The following TSPAN10 variants were observed in gnomAD, a reference collection of about 807,000 sequenced individuals.
TSPAN10 encodes tetraspanin-10.
Under a neutral mutation model 15.0 loss-of-function variants are expected in TSPAN10, and 11 were observed. The observed-to-expected ratio is 0.73, with a 90% CI of 0.46 to 1.21. TSPAN10 has a LOEUF of 1.21. TSPAN10 is among the 50% of genes most tolerant of loss of function. The pLI, the probability that TSPAN10 is intolerant of heterozygous loss-of-function variation, is 0.00. For missense variants in TSPAN10, 486 were observed against 470.6 expected, an observed-to-expected ratio of 1.03 and a Z score of -0.30; for synonymous variants, 241 against 226.2, an observed-to-expected ratio of 1.07 and a Z score of -0.59.
exon 2 of TSPAN10, chr17:81,645,396 C>T (rs866500881): frequency 6.2e-7 from 1 of 1,602,616 alleles, no homozygotes; most frequent in Non-Finnish European, 8.5e-7. Context: ...GTGAGAACAC[C>T]TGCCTGTTAC....
upstream of TSPAN10, among the ~76,000 whole-genome samples, chr17:81,640,344 T>G (rs1197300866): frequency 6.7e-6 from 1 of 149,370 alleles, no homozygotes; most frequent in Non-Finnish European, 1.5e-5. Flanking sequence ...CCCCGAGACC[T>G]CACATGTTTT....
chr17:81,641,573 A>G (rs1009135486), upstream of TSPAN10, among the ~76,000 whole-genome samples: 50 of 151,418 alleles, frequency 3.3e-4, no homozygotes, highest in African/African-American at 1.2e-3. Flanking sequence ...CCATCAGTAC[A>G]TTGCCTGCTG....
downstream of TSPAN10, chr17:81,648,523 G>T (rs2036292524): frequency 1.2e-5 from 4 of 342,902 alleles, no homozygotes; most frequent in African/African-American, 2.2e-5. Context: ...AGGAGCACGC[G>T]GGGCCGGAGG....
chr17:81,638,146 T>C (rs931525450), upstream of TSPAN10: 16 of 152,124 alleles, frequency 1.1e-4, no homozygotes, highest in African/African-American at 3.9e-4. Context: ...CAACATATTG[T>C]CCCTGCCCAC....
intron 1 of TSPAN10, 146 bp from the exon 3 acceptor site, chr17:81,644,846 C>A: frequency 8.5e-7 from 1 of 1,180,580 alleles, no homozygotes; most frequent in Non-Finnish European, 1.2e-6. Context: ...TGGCTGTCCG[C>A]ATCTCTGAGC....
upstream of TSPAN10, chr17:81,639,239 CCT>C (rs1260822648): frequency 1.5e-5 from 2 of 136,170 alleles, no homozygotes; most frequent in East Asian, 4.9e-4. Context: ...GTCGGATCTC[CCT>C]CTGTCGCCCA....
chr17:81,644,410 G>A (rs1224049342), intron 1 of TSPAN10, among the ~76,000 whole-genome samples: 2 of 152,052 alleles, frequency 1.3e-5, no homozygotes, highest in South Asian at 2.1e-4. Context: ...CACTCAGTGC[G>A]GGCCGTTGGT....
intron 1 of TSPAN10, 130 bp downstream of exon 2, chr17:81,642,578 TTG>T: frequency 5.3e-6 from 5 of 949,928 alleles, no homozygotes; most frequent in Non-Finnish European, 8.0e-6. Flanking sequence ...AATGCTGAGA[TTG>T]GGTTGAGGGG....
chr17:81,639,705 G>A (rs563379832), upstream of TSPAN10, among the ~76,000 whole-genome samples: 8 of 151,162 alleles, frequency 5.3e-5, no homozygotes, highest in Non-Finnish European at 7.4e-5. Flanking sequence ...TCATCCCAGC[G>A]CGGTGGCTCA....
intron 2 of TSPAN10, among the ~76,000 whole-genome samples, chr17:81,646,761 C>T (rs1002685810): frequency 3.3e-5 from 5 of 152,156 alleles, no homozygotes; most frequent in Non-Finnish European, 5.9e-5. Context: ...TTCCCTCCAC[C>T]GTGAGTGTCA....
chr17:81,647,890 G>T lies in TSPAN10; in HGVS notation c.675-11G>T. 1 of 1,592,380 alleles carries T rather than the reference G, an allele frequency of 6.3e-7. No homozygotes were observed. The highest frequency in any genetic ancestry group is 8.5e-7 in the Non-Finnish European group (1 of 1,174,702). ...TCCCCGCCAGAACTGACGATTCCAT[G>T]CGCCTTGCAGGTACTTTAACTGCAG... On this transcript the variant is annotated splice_polypyrimidine_tract_variant and intron_variant, in intron 2 of 2. Coordinates refer to ENST00000611590, the Ensembl canonical transcript of TSPAN10.
At chr17:81,648,193 A>C (rs1335421125) in exon 3 of TSPAN10, 4 of 1,398,440 alleles carry the variant, frequency 2.9e-6, no homozygotes, top group African/African-American at 3.1e-5. Flanking sequence ...CGCTGCCCGC[A>C]GGGGGGCGGC....
upstream of TSPAN10, chr17:81,638,704 C>T (rs147846660): frequency 3.0e-4 from 45 of 152,294 alleles, no homozygotes; most frequent in African/African-American, 1.0e-3. Context: ...AAACTGTCCT[C>T]TTGTGCTGAG....
At chr17:81,644,517 C>G (rs1289478596) in intron 1 of TSPAN10, among the ~76,000 whole-genome samples, 1 of 152,194 alleles carries the variant, frequency 6.6e-6, no homozygotes, top group East Asian at 1.9e-4. Context: ...GTGAGGAAGC[C>G]CCTCTACACA....
At chr17:81,645,222 G>C in exon 2 of TSPAN10, 2 of 1,540,542 alleles carry the variant, frequency 1.3e-6, no homozygotes, top group Non-Finnish European at 1.7e-6. Context: ...CCTTCTCCCT[G>C]CTGGGGCTGC....
At chr17:81,648,490 G>A (rs2036291590), downstream of TSPAN10, 3 of 480,504 alleles carry the variant, frequency 6.2e-6, no homozygotes, top group South Asian at 1.1e-4. Flanking sequence ...CAGGGCGCCC[G>A]GCGAAGCCAC....
upstream of TSPAN10, among the ~76,000 whole-genome samples, chr17:81,640,863 C>T (rs902671931): frequency 2.0e-5 from 3 of 152,068 alleles, no homozygotes; most frequent in African/African-American, 4.8e-5. Context: ...AGATGATGAT[C>T]GTTTCATTAA....
chr17:81,648,457 G>T, downstream of TSPAN10: 2 of 685,052 alleles, frequency 2.9e-6, no homozygotes, highest in Non-Finnish European at 3.9e-6. Flanking sequence ...CTCGCTCCGC[G>T]TCCCCCATGC....
At chr17:81,644,557 A>C (rs2036217215) in intron 1 of TSPAN10, among the ~76,000 whole-genome samples, 1 of 152,174 alleles carries the variant, frequency 6.6e-6, no homozygotes, top group South Asian at 2.1e-4. Flanking sequence ...ACACAGACTG[A>C]TCCACGCAGA....
Sources: allele counts gnomAD v4.1 joint callset (sites outside exome capture counted in the v4.1 genomes callset), GRCh38; gene constraint gnomAD v4.1.1; transcripts MANE v1.5; gene names NCBI Gene and HGNC (gene_info 2026-07-23, HGNC 2026-07-21).